Variants in CAPZA1 observed in about 807,000 individuals in gnomAD.
The protein encoded by CAPZA1 is F-actin-capping protein subunit alpha-1.
A neutral mutation model predicts 40.8 loss-of-function variants in CAPZA1; 10 were observed. That is an observed-to-expected ratio of 0.25 (90% CI 0.15 to 0.42). The LOEUF is 0.42. CAPZA1 is among the 10% of genes least tolerant of loss of function. CAPZA1 has a pLI of 1.00. For missense variants in CAPZA1, 277 were observed against 353.8 expected, an observed-to-expected ratio of 0.78 and a Z score of 1.74; for synonymous variants, 98 against 115.0, an observed-to-expected ratio of 0.85 and a Z score of 0.95.
intron 1 of CAPZA1, among the ~76,000 whole-genome samples, chr1:112,632,763 C>G (rs1015893512): frequency 1.1e-4 from 17 of 152,186 alleles, no homozygotes; most frequent in Non-Finnish European, 2.4e-4. Context: ...CTACTTAAAA[C>G]TAACTTGCCT....
rs138697049 is a variant in CAPZA1 at position 112,655,755 on chromosome 1, G to A, written c.426+1084G>A. 1.4e-3 allele frequency among the ~76,000 whole-genome samples: 220 copies of A among 152,158 alleles called. 1 individual carries two copies. The highest frequency in any genetic ancestry group is 5.0e-3 in the African/African-American group (207 of 41,516). On this transcript the variant is annotated intron_variant, in intron 5 of 9. Transcript: ENST00000263168. ...TTTTTATATTTTTAGTAGAGACAGA[G>A]CTTCACCATGTTGGCCAGGCTGGTC...
chr1:112,656,510 C>T (rs1671503708), intron 5 of CAPZA1, among the ~76,000 whole-genome samples: 1 of 122,170 alleles, frequency 8.2e-6, no homozygotes. Context: ...TATAGAATTC[C>T]TGTTGGGAAG....
At chr1:112,646,921 C>G in intron 1 of CAPZA1, 1 of 223,872 alleles carries the variant, frequency 4.5e-6, no homozygotes, top group East Asian at 9.2e-5. Flanking sequence ...TCATAGCTTT[C>G]TCTTTTTGTG....
chr1:112,631,770 T>G (rs375774289), intron 1 of CAPZA1, among the ~76,000 whole-genome samples: 1 of 152,200 alleles, frequency 6.6e-6, no homozygotes, highest in East Asian at 1.9e-4. Context: ...CGGACCAGAA[T>G]AGGTTCAAAG....
At chr1:112,625,368 T>TC (rs2101136289) in intron 1 of CAPZA1, among the ~76,000 whole-genome samples, 1 of 152,284 alleles carries the variant, frequency 6.6e-6, no homozygotes, top group African/African-American at 2.4e-5. Context: ...AGAAGTACTC[T>TC]CCTTTAGCGA....
intron 6 of CAPZA1, 158 bp downstream of exon 6, chr1:112,659,259 A>G: frequency 1.7e-6 from 1 of 601,696 alleles, no homozygotes; most frequent in Non-Finnish European, 3.0e-6. Context: ...CTAAGGTTTT[A>G]TAATTATATT....
At chr1:112,656,552 C>T (rs1448386828) in intron 5 of CAPZA1, among the ~76,000 whole-genome samples, 2 of 141,960 alleles carry the variant, frequency 1.4e-5, no homozygotes, top group African/African-American at 5.2e-5. Flanking sequence ...ATGATAGACT[C>T]CCATTTAGAA....
chr1:112,667,331 C>A (rs900387574), intron 8 of CAPZA1, among the ~76,000 whole-genome samples, 186 bp downstream of exon 8: 9 of 152,178 alleles, frequency 5.9e-5, no homozygotes, highest in African/African-American at 1.9e-4. Context: ...TTTTGACTCA[C>A]AATATTGATT....
chr1:112,646,670 G>A (rs1671286401), intron 1 of CAPZA1: 2 of 151,696 alleles, frequency 1.3e-5, no homozygotes, highest in Non-Finnish European at 1.5e-5. Flanking sequence ...TTAAATTAAA[G>A]GTGTTTATTT....
At chr1:112,653,060 G>GA (rs1183731787) in intron 3 of CAPZA1, among the ~76,000 whole-genome samples, 2 of 152,120 alleles carry the variant, frequency 1.3e-5, no homozygotes, top group African/African-American at 4.8e-5. Context: ...TGAGAGCCAA[G>GA]AAAAAAGATC....
chr1:112,663,642 C>T (rs1671663466), intron 7 of CAPZA1, among the ~76,000 whole-genome samples: 1 of 152,106 alleles, frequency 6.6e-6, no homozygotes, highest in Admixed American at 6.5e-5. Context: ...GCTGGGATTA[C>T]AGGCACCTGC....
intron 1 of CAPZA1, among the ~76,000 whole-genome samples, chr1:112,638,897 C>T (rs1557729564): frequency 7.2e-6 from 1 of 139,118 alleles, no homozygotes; most frequent in Non-Finnish European, 1.5e-5. Flanking sequence ...AGCGAGACTC[C>T]ATAGATATAG....
rs1671442090 is a variant in CAPZA1, at chr1:112,653,583, T to C, written c.156-15T>C. ...TTTTTTTTTTTTTTTTTAAAAAACTTTTAAAAAAAAACAGTGCATTTGCCC... is the reference window on the plus strand; with the variant it reads ...TTTTTTTTTTTTTTTTTAAAAAACTCTTAAAAAAAAACAGTGCATTTGCCC... On this transcript the variant is annotated splice_polypyrimidine_tract_variant and intron_variant, in intron 3 of 9. Transcript: ENST00000263168. 1 of 1,530,450 alleles carries C rather than the reference T, an allele frequency of 6.5e-7. No homozygotes were observed. 94.8% of individuals were successfully genotyped at this position (1,530,450 alleles called of 1,614,324 possible).
At chr1:112,628,935 G>A (rs1405152177) in intron 1 of CAPZA1, among the ~76,000 whole-genome samples, 1 of 152,220 alleles carries the variant, frequency 6.6e-6, no homozygotes, top group Non-Finnish European at 1.5e-5. Context: ...CACTCTGGAA[G>A]AAGCCATTGT....
intron 1 of CAPZA1, among the ~76,000 whole-genome samples, chr1:112,630,574 A>T (rs1670901810): frequency 6.6e-6 from 1 of 151,910 alleles, no homozygotes; most frequent in African/African-American, 2.4e-5. Flanking sequence ...TGAACTCCTG[A>T]CCTCGTGATG....
Position 112,654,567 on chromosome 1 carries a change from C to A in CAPZA1, c.322C>A (p.Pro108Thr). ...CCACTTACGGAAAGAAGCAAGTGAC[C>A]CCCAGCCAGAAGAAGCAGATGGAGG... ...FDHLRKEASDPQPEEADGGLK... is the reference protein window; with the variant it reads ...FDHLRKEASDTQPEEADGGLK... The change falls in exon 5 of 10, where the codon CCC (proline) becomes ACC (threonine). Residue 108 changes from proline (P) to threonine (T), a missense_variant. Pro to Thr is a conservative substitution (Grantham distance 38, BLOSUM62 -1). Coordinates refer to ENST00000263168, the MANE Select transcript of CAPZA1 (RefSeq NM_006135.3). The A allele has an allele frequency of 6.2e-7, 1 of 1,613,792 alleles. No individual in the cohort carries two copies.
chr1:112,670,562 A>C lies in CAPZA1; in HGVS notation c.*430A>C, dbSNP rs1671810270. Reference sequence around the variant, plus strand: ...GTACTTCAGTCGTTTTTACTGATCCACCAACACCTAAAGAGGCTATGCTAC... The same window carrying C: ...GTACTTCAGTCGTTTTTACTGATCCCCCAACACCTAAAGAGGCTATGCTAC... On this transcript the variant is annotated 3_prime_UTR_variant, in exon 10 of 10. Coordinates refer to ENST00000263168, the MANE Select transcript of CAPZA1 (RefSeq NM_006135.3). 1 of 157,322 alleles carries C rather than the reference A, an allele frequency of 6.4e-6. No homozygotes were observed. The highest frequency in any genetic ancestry group is 1.9e-4 in the South Asian group (1 of 5,382). The allele number at this position is 157,322 out of a possible 1,614,324, so 9.7% of individuals were successfully genotyped here.
intron 1 of CAPZA1, among the ~76,000 whole-genome samples, chr1:112,631,794 A>AT (rs1366880074): frequency 6.6e-6 from 1 of 151,868 alleles, no homozygotes; most frequent in African/African-American, 2.4e-5. Flanking sequence ...CTTTTTCCTA[A>AT]TTTTTTAACC....
rs115398403 is a variant in CAPZA1, at chr1:112,629,212, G to A, written c.39+9329G>A. Among the ~76,000 whole-genome samples, 9 of 152,164 alleles carry A rather than the reference G, an allele frequency of 5.9e-5. No homozygotes were observed. The South Asian group carries it at 8.3e-4, about 14-fold the overall frequency. ...GTCTTTGTTCCAATCACGTATTCTC[G>A]CTGAATAATCTTTGCATTTGTTCTT... On this transcript the variant is annotated intron_variant, in intron 1 of 9. Coordinates refer to ENST00000263168, the MANE Select transcript of CAPZA1 (RefSeq NM_006135.3).
Sources: allele counts gnomAD v4.1 joint callset (sites outside exome capture counted in the v4.1 genomes callset), GRCh38; gene constraint gnomAD v4.1.1; transcripts MANE v1.5; gene names NCBI Gene and HGNC (gene_info 2026-07-23, HGNC 2026-07-21).